The following KCNQ3 variants were observed in gnomAD, a reference collection of about 807,000 sequenced individuals.
KCNQ3 encodes the protein potassium voltage-gated channel subfamily Q member 3, also known as potassium voltage-gated channel subfamily KQT member 3.
KCNQ3 carries 30 observed loss-of-function variants against 92.5 expected under a neutral mutation model. The observed-to-expected ratio is 0.32, with a 90% CI of 0.24 to 0.44. The LOEUF (loss-of-function observed/expected upper bound fraction) is 0.44. Ranked by LOEUF, KCNQ3 falls within the 20% of genes least tolerant of loss-of-function variation. The pLI is 1.00. For missense variants in KCNQ3, 913 were observed against 1,140.3 expected (o/e 0.80, Z 2.87); for synonymous variants, 450 against 468.8 (o/e 0.96, Z 0.52).
intron 12 of KCNQ3, among the ~76,000 whole-genome samples, chr8:132,136,611 G>A (rs1456372303): frequency 6.6e-6 from 1 of 152,098 alleles, no homozygotes; most frequent in Admixed American, 6.6e-5. Context: ...GTGTGCAAGT[G>A]TTTAGAATCA....
intron 1 of KCNQ3, among the ~76,000 whole-genome samples, chr8:132,474,637 C>T (rs1361046468): frequency 6.6e-6 from 1 of 152,146 alleles, no homozygotes; most frequent in Non-Finnish European, 1.5e-5. Context: ...AGAACCCTTA[C>T]AGAATTCTCA....
At chr8:132,416,749 T>C (rs905155858) in intron 1 of KCNQ3, among the ~76,000 whole-genome samples, 5 of 151,546 alleles carry the variant, frequency 3.3e-5, no homozygotes, top group African/African-American at 1.2e-4. Context: ...GGGTTTCCAG[T>C]CTAGAGGAAG....
chr8:132,423,327 T>G (rs1021898385), intron 1 of KCNQ3, among the ~76,000 whole-genome samples: 1 of 152,144 alleles, frequency 6.6e-6, no homozygotes, highest in Non-Finnish European at 1.5e-5. Context: ...TCCCATTGAG[T>G]TGGGTCCACA....
chr8:132,170,695 G>T (rs1826305293), intron 7 of KCNQ3, among the ~76,000 whole-genome samples: 1 of 152,090 alleles, frequency 6.6e-6, no homozygotes, highest in Non-Finnish European at 1.5e-5. Context: ...GAAGAGAGTA[G>T]TAGGCATAAA....
At chr8:132,386,374 T>C (rs947188331) in intron 1 of KCNQ3, among the ~76,000 whole-genome samples, 10 of 152,130 alleles carry the variant, frequency 6.6e-5, no homozygotes, top group South Asian at 2.1e-4. Flanking sequence ...CAGTTAAACA[T>C]AGACAAATAA....
At chr8:132,288,557 C>T (rs1211223326) in intron 1 of KCNQ3, among the ~76,000 whole-genome samples, 1 of 152,184 alleles carries the variant, frequency 6.6e-6, no homozygotes, top group East Asian at 1.9e-4. Context: ...CTCGGAGCTA[C>T]AAATTCATCA....
intron 1 of KCNQ3, among the ~76,000 whole-genome samples, chr8:132,365,317 G>A (rs765548581): frequency 5.9e-5 from 9 of 152,268 alleles, no homozygotes; most frequent in Non-Finnish European, 7.3e-5. Flanking sequence ...TGTGAGAGGC[G>A]TGTTAGACGC....
At chr8:132,275,999 C>A (rs1203944708) in intron 1 of KCNQ3, among the ~76,000 whole-genome samples, 2 of 152,146 alleles carry the variant, frequency 1.3e-5, no homozygotes, top group East Asian at 3.9e-4. Context: ...TGACCACTTA[C>A]TAGGGGTCGC....
chr8:132,170,479 T>C (rs1241832257), intron 7 of KCNQ3, 51 bp from the exon 8 acceptor site: 8 of 1,127,468 alleles, frequency 7.1e-6, no homozygotes, highest in Non-Finnish European at 1.1e-5. Flanking sequence ...CCTGAAACTT[T>C]CGCACAGACT....
intron 1 of KCNQ3, among the ~76,000 whole-genome samples, chr8:132,385,100 C>T (rs954200161): frequency 1.3e-5 from 2 of 152,234 alleles, no homozygotes; most frequent in Non-Finnish European, 2.9e-5. Context: ...CCTCTTTCCA[C>T]ATGTGGTCCA....
intron 1 of KCNQ3, among the ~76,000 whole-genome samples, chr8:132,452,727 A>T (rs1821850374): frequency 6.6e-6 from 1 of 152,150 alleles, no homozygotes; most frequent in South Asian, 2.1e-4. Flanking sequence ...CCAATCTGTC[A>T]AGCATGATAG....
intron 1 of KCNQ3, among the ~76,000 whole-genome samples, chr8:132,396,632 C>A (rs976606883): frequency 2.0e-5 from 3 of 151,964 alleles, no homozygotes; most frequent in Non-Finnish European, 2.9e-5. Context: ...TAAGACAGTC[C>A]CCAAGATTTC....
chr8:132,317,803 A>G (rs1372919009), intron 1 of KCNQ3, among the ~76,000 whole-genome samples: 1 of 152,186 alleles, frequency 6.6e-6, no homozygotes. Flanking sequence ...AGGAGCTTTA[A>G]GGAGCCATGG....
chr8:132,209,402 A>G (rs1813777462), intron 1 of KCNQ3, among the ~76,000 whole-genome samples: 1 of 152,154 alleles, frequency 6.6e-6, no homozygotes, highest in Non-Finnish European at 1.5e-5. Flanking sequence ...CTCCTTAGGC[A>G]AAAAGAGCTG....
At chr8:132,474,125 C>T (rs935123078) in intron 1 of KCNQ3, among the ~76,000 whole-genome samples, 2 of 152,212 alleles carry the variant, frequency 1.3e-5, no homozygotes, top group South Asian at 4.1e-4. Flanking sequence ...CATCTTTTCA[C>T]TAACAGGCAA....
At position 132,122,743 on chromosome 8, in the gene KCNQ3, A is replaced by G. The variant is rs1423920757; in HGVS notation, c.*6519T>C. On this transcript the variant is annotated 3_prime_UTR_variant, in exon 15 of 15. Coordinates refer to ENST00000388996, the MANE Select transcript of KCNQ3 (RefSeq NM_004519.4). Reference sequence around the variant, plus strand: ...TGACTCAGGAGAACTGAAACATCCTACCACAGGGATTCACAAGGACTGCTG... The same window carrying G: ...TGACTCAGGAGAACTGAAACATCCTGCCACAGGGATTCACAAGGACTGCTG... 1.3e-5 allele frequency: 2 copies of G among 152,192 alleles called. No individual in the cohort carries two copies. The highest frequency in any genetic ancestry group is 2.9e-5 in the Non-Finnish European group (2 of 68,028). 9.4% of individuals were successfully genotyped at this position (152,192 alleles called of 1,614,324 possible).
At position 132,411,926 on chromosome 8, in the gene KCNQ3, C is replaced by T. The variant is rs558659403; in HGVS notation, c.386+68221G>A. On this transcript the variant is annotated intron_variant, in intron 1 of 14. Transcript: ENST00000388996. ...TGCTGCTGGTGCCCCAGGCATCCTTCCTGTTCAATGAATGGCTTCCACCAC... is the reference window on the plus strand; with the variant it reads ...TGCTGCTGGTGCCCCAGGCATCCTTTCTGTTCAATGAATGGCTTCCACCAC... Among the ~76,000 whole-genome samples, 5 of 152,310 alleles carry T rather than the reference C, an allele frequency of 3.3e-5. No homozygotes were observed. In the South Asian group the frequency reaches 1.0e-3, roughly 32 times the overall value.
intron 1 of KCNQ3, among the ~76,000 whole-genome samples, chr8:132,227,058 C>CTTTTTTTTTTT (rs1563813401): frequency 2.3e-5 from 2 of 88,662 alleles, no homozygotes; most frequent in African/African-American, 5.6e-5. Flanking sequence ...ACATATCTCA[C>CTTTTTTTTTTT]TCTTTTTTTT....
At chr8:132,175,716 T>G in intron 4 of KCNQ3, 108 bp from the exon 5 acceptor site, 1 of 1,022,616 alleles carries the variant, frequency 9.8e-7, no homozygotes, top group South Asian at 1.4e-5. Flanking sequence ...GCTCTGTGAC[T>G]GTGGTCAAAT....
Sources: gnomAD v4.1 joint callset for allele counts (sites outside exome capture counted in the v4.1 genomes callset) on GRCh38, gnomAD v4.1.1 for gene constraint, MANE v1.5 for transcripts, NCBI Gene and HGNC (gene_info 2026-07-23, HGNC 2026-07-21) for gene names.